DCUN1D4: variants seen among roughly 807,000 people sequenced by gnomAD.
DCUN1D4 encodes DCN1-like protein 4.
Under a neutral mutation model 47.9 loss-of-function variants are expected in DCUN1D4, and 22 were observed. The ratio of observed to expected loss-of-function variants is 0.46; its 90% confidence interval spans 0.33 to 0.66. The LOEUF (loss-of-function observed/expected upper bound fraction) is 0.66. Ranked by LOEUF, DCUN1D4 falls within the 30% of genes least tolerant of loss-of-function variation. The pLI is 0.02. For missense variants in DCUN1D4, 301 were observed against 340.8 expected (o/e 0.88, Z 0.92); for synonymous variants, 121 against 112.2 (o/e 1.08, Z -0.50).
intron 8 of DCUN1D4, among the ~76,000 whole-genome samples, chr4:51,906,192 G>GT (rs1413770303): frequency 6.6e-6 from 1 of 152,110 alleles, no homozygotes; most frequent in Non-Finnish European, 1.5e-5. Context: ...GCCCCTCCAT[G>GT]TACTCTCTTT....
At chr4:51,857,083 A>G (rs894085855) in intron 1 of DCUN1D4, among the ~76,000 whole-genome samples, 2 of 152,346 alleles carry the variant, frequency 1.3e-5, no homozygotes, top group East Asian at 3.9e-4. Flanking sequence ...TGGCATGTGG[A>G]AACTGAGACC....
chr4:51,906,081 TAAA>T (rs1560518154), intron 8 of DCUN1D4, among the ~76,000 whole-genome samples: 1 of 152,058 alleles, frequency 6.6e-6, no homozygotes, highest in East Asian at 1.9e-4. Flanking sequence ...AATAAAACCT[TAAA>T]GAAGTCGAAT....
chr4:51,899,865 C>T (rs1403677344), intron 8 of DCUN1D4, among the ~76,000 whole-genome samples: 2 of 152,140 alleles, frequency 1.3e-5, no homozygotes, highest in East Asian at 1.9e-4. Context: ...TTCTAATCAT[C>T]GTTTTGAAAA....
At chr4:51,834,368 G>C in the DCUN1D4 span, among the ~76,000 whole-genome samples, 1 of 151,642 alleles carries the variant, frequency 6.6e-6, no homozygotes, top group East Asian at 2.0e-4. Context: ...GGGGGTGGTA[G>C]TTTGTGCTCC....
At chr4:51,845,509 TC>T (rs1173823454) in intron 1 of DCUN1D4, among the ~76,000 whole-genome samples, 1 of 152,214 alleles carries the variant, frequency 6.6e-6, no homozygotes, top group Non-Finnish European at 1.5e-5. Context: ...AGGCTGCAAT[TC>T]CTTCTCTCCT....
chr4:51,875,730 C>T (rs192044462), intron 4 of DCUN1D4, among the ~76,000 whole-genome samples: 38 of 152,296 alleles, frequency 2.5e-4, no homozygotes, highest in South Asian at 8.3e-4. Context: ...CTTTGTGTCT[C>T]GCTTCTTTCA....
chr4:51,877,725 A>G, intron 4 of DCUN1D4, 38 bp from the exon 5 acceptor site: 2 of 1,286,920 alleles, frequency 1.6e-6, no homozygotes, highest in Non-Finnish European at 1.1e-6. Flanking sequence ...AGAACTCAGT[A>G]TCTTTAAATA....
rs192281433 is a variant in DCUN1D4 at position 51,879,100 on chromosome 4, G to A, written c.343+1246G>A. On this transcript the variant is annotated intron_variant, in intron 5 of 10. Coordinates refer to ENST00000334635, the MANE Select transcript of DCUN1D4 (RefSeq NM_001040402.3). ...TTCTGATTCCTGTAGTTCTTCTTTG[G>A]ACTTTTATGAGCTACCCCAACATCT... Among the ~76,000 whole-genome samples, 42 of 152,230 alleles carry A rather than the reference G, an allele frequency of 2.8e-4. No individual in the cohort carries two copies. In the East Asian group the frequency reaches 8.0e-3, roughly 29 times the overall value.
chr4:51,870,902 T>A lies in DCUN1D4; in HGVS notation c.137-3369T>A, dbSNP rs189793936. On this transcript the variant is annotated intron_variant, in intron 3 of 10. Coordinates refer to ENST00000334635, the MANE Select transcript of DCUN1D4 (RefSeq NM_001040402.3). ...TTTTTTTTTTGTAGCCTGAATGGGT[T>A]CCAGGGTGGCTCTGCCTTGACCAGC... 3.0e-4 allele frequency among the ~76,000 whole-genome samples: 46 copies of A among 152,276 alleles called. No individual in the cohort carries two copies. In the East Asian group the frequency reaches 7.9e-3, roughly 26 times the overall value.
chr4:51,857,162 G>A (rs1355081522), intron 1 of DCUN1D4, among the ~76,000 whole-genome samples: 2 of 152,182 alleles, frequency 1.3e-5, no homozygotes, highest in East Asian at 3.8e-4. Context: ...CAGTTAGTGA[G>A]ACAACTGAAA....
rs1351224033 is a variant in DCUN1D4 at position 51,886,581 on chromosome 4, T to C, written c.357T>C (p.Val119=). ...TGTATTTCACAGGAACTGATGATGT[T>C]GTAGGCCCTGAAGGCATGGAGAAAT... ...WFYEYAGTDD[V]VGPEGMEKFC... The change falls in exon 6 of 11, where the codon GTT becomes GTC. Residue 119 remains valine (V), a synonymous_variant. Coordinates refer to ENST00000334635, the MANE Select transcript of DCUN1D4 (RefSeq NM_001040402.3). 1 of 1,613,814 alleles carries C rather than the reference T, an allele frequency of 6.2e-7. No individual in the cohort carries two copies. The highest frequency in any genetic ancestry group is 8.5e-7 in the Non-Finnish European group (1 of 1,179,904).
At chr4:51,849,822 G>C (rs1723099914) in intron 1 of DCUN1D4, among the ~76,000 whole-genome samples, 1 of 144,300 alleles carries the variant, frequency 6.9e-6, no homozygotes, top group African/African-American at 2.8e-5. Context: ...GGGAATATTA[G>C]CTACAGAAAT....
intron 5 of DCUN1D4, among the ~76,000 whole-genome samples, chr4:51,881,235 A>G (rs1349658378): frequency 6.6e-6 from 1 of 152,216 alleles, no homozygotes. Flanking sequence ...AGGTGCCAAC[A>G]TTGGTTTTAC....
At chr4:51,857,524 G>T (rs1724321520) in intron 1 of DCUN1D4, among the ~76,000 whole-genome samples, 5 of 152,206 alleles carry the variant, frequency 3.3e-5, no homozygotes, top group Admixed American at 3.3e-4. Flanking sequence ...ACAGAGTTTG[G>T]TGGAATAAGT....
chr4:51,906,341 A>T (rs567570702), intron 8 of DCUN1D4, among the ~76,000 whole-genome samples: 3 of 152,272 alleles, frequency 2.0e-5, no homozygotes, highest in Non-Finnish European at 2.9e-5. Flanking sequence ...ATGATTAGGG[A>T]TGTTACTCAT....
chr4:51,877,737 C>G (rs773366428), intron 4 of DCUN1D4, 26 bp from the exon 5 acceptor site: 5 of 1,502,094 alleles, frequency 3.3e-6, no homozygotes, highest in Non-Finnish European at 4.6e-6. Context: ...CTTTAAATAA[C>G]TTAAAACTGC....
chr4:51,913,772 T>C lies in DCUN1D4; in HGVS notation c.*188T>C, dbSNP rs778622204. ...GTGTGGCATTGTTCTCTTGGAAGGC[T>C]GCTTTGCAGTTTGTATTTACACTAC... On this transcript the variant is annotated 3_prime_UTR_variant, in exon 11 of 11. Transcript: ENST00000334635. 7 of 547,022 alleles carry C rather than the reference T, an allele frequency of 1.3e-5. 1 individual carries two copies. The highest frequency in any genetic ancestry group is 1.9e-5 in the Non-Finnish European group (6 of 312,758). 33.9% of individuals were successfully genotyped at this position (547,022 alleles called of 1,614,324 possible). A position where few individuals can be genotyped will look rare whatever the true frequency, so the allele number is the denominator to read the frequency against.
intron 8 of DCUN1D4, among the ~76,000 whole-genome samples, chr4:51,904,371 C>T (rs1314746680): frequency 6.6e-6 from 1 of 152,150 alleles, no homozygotes. Context: ...TCTTTTCAGA[C>T]TCAGGTTGTT....
At chr4:51,863,550 T>C in intron 2 of DCUN1D4, 43 bp downstream of exon 2, 3 of 1,584,910 alleles carry the variant, frequency 1.9e-6, no homozygotes, top group Non-Finnish European at 2.6e-6. Context: ...CTGTTTGAAG[T>C]AGTCATTTTG....
Sources: allele counts gnomAD v4.1 joint callset (sites outside exome capture counted in the v4.1 genomes callset), GRCh38; gene constraint gnomAD v4.1.1; transcripts MANE v1.5; gene names NCBI Gene and HGNC (gene_info 2026-07-23, HGNC 2026-07-21).